The following NOD2 variants were observed in gnomAD, a reference collection of about 807,000 sequenced individuals.
NOD2 encodes the protein nucleotide binding oligomerization domain containing 2, also known as nucleotide-binding oligomerization domain-containing protein 2.
NOD2 carries 86 observed loss-of-function variants against 90.9 expected under a neutral mutation model. That is an observed-to-expected ratio of 0.95 (90% CI 0.79 to 1.13). The LOEUF is 1.13. Among genes scored for constraint, NOD2 ranks in the 50% most tolerant of loss-of-function variants. The probability of loss-of-function intolerance (pLI) is 0.00; values close to 1 mark genes in which losing one functional copy is unlikely to be tolerated. For missense variants in NOD2, 1,238 were observed against 1,283.8 expected, an observed-to-expected ratio of 0.96 and a Z score of 0.55; for synonymous variants, 581 against 554.6, an observed-to-expected ratio of 1.05 and a Z score of -0.67.
rs747221457 is a variant in NOD2, at chr16:50,699,683, A to T, written c.188A>T (p.Asp63Val). The T allele has an allele frequency of 3.7e-6, 6 of 1,613,966 alleles. No individual in the cohort carries two copies. The highest frequency in any genetic ancestry group is 1.3e-5 in the African/African-American group (1 of 74,886). The change falls in exon 2 of 12, where the codon GAC becomes GTC. Residue 63 changes from aspartate (D) to valine (V), a missense_variant. This residue lies in a region of NOD2 where 567 missense variants were observed against 577.3 expected (regional missense o/e 0.98). Transcript: ENST00000647318. The stretch of plus-strand genomic sequence containing the variant: ...TCCCACTTGGCCAGGCGCCTTCTGG[A>T]CACCGTCTGGAATAAGGGTACTTGG... ...PLSHLARRLL[D>V]TVWNKGTWAC...
chr16:50,728,377 GC>G lies in NOD2; in HGVS notation c.2886-1440del, dbSNP rs1212905176. 1.5e-5 allele frequency: 5 copies of G among 336,112 alleles called. No homozygotes were observed. In the Admixed American group the frequency reaches 1.7e-4, roughly 12 times the overall value. The allele number at this position is 336,112 out of a possible 1,614,324, so 20.8% of individuals were successfully genotyped here. On this transcript the variant is annotated intron_variant, in intron 10 of 11. Transcript: ENST00000647318. ...GCTGATGTTGTGAGTTGTCTCCGCT[GC>G]TTTACAACCCATTTTGAATTCAAAT... is the stretch of plus-strand genomic sequence containing the variant.
In NOD2 at chr16:50,699,527, G is replaced by T. The variant is rs104895487; in HGVS notation, c.32G>T (p.Arg11Met). 2.5e-5 allele frequency: 40 copies of T among 1,613,730 alleles called. No homozygotes were observed. The highest frequency in any genetic ancestry group is 2.5e-6 in the Non-Finnish European group (3 of 1,180,018). ...TCGCAGGAGGCTTTTCAGGCACAGA[G>T]GAGCCAGCTGGTCGAGCTGCTGGTC... MCSQEAFQAQ[R>M]SQLVELLVSG... Residue 11 changes from arginine to methionine, a missense_variant, in exon 2 of 12, where the codon AGG becomes ATG. By Grantham distance (91) the Arg-to-Met change is moderately conservative. This residue lies in a region of NOD2 where 567 missense variants were observed against 577.3 expected (regional missense o/e 0.98). Transcript: ENST00000647318.
Position 50,732,131 on chromosome 16 carries a change from C to T in NOD2, c.*312C>T, listed in dbSNP as rs911170249. The T allele has an allele frequency of 2.1e-5, 9 of 431,166 alleles. No individual in the cohort carries two copies. The highest frequency in any genetic ancestry group is 4.2e-5 in the South Asian group (2 of 47,354). 26.7% of individuals were successfully genotyped at this position (431,166 alleles called of 1,614,324 possible). On this transcript the variant is annotated 3_prime_UTR_variant, in exon 12 of 12. Transcript: ENST00000647318. Reference sequence around the variant, plus strand: ...GCCTCTGCTGATCCTCCCAGGCTTCCGTGTGGGTCAGTGGGGCCCATGGAT... The same window carrying T: ...GCCTCTGCTGATCCTCCCAGGCTTCTGTGTGGGTCAGTGGGGCCCATGGAT...
In NOD2 at chr16:50,710,720, A is replaced by C. The variant is rs1271063107; in HGVS notation, c.728A>C (p.Gln243Pro). 1.2e-6 allele frequency: 2 copies of C among 1,613,694 alleles called. No individual in the cohort carries two copies. Among genetic ancestry groups the C allele is most frequent in the African/African-American group, 2.7e-5 (2 of 74,918 alleles). Reference sequence around the variant, plus strand: ...GATGTGGGCATGGCTGGACCCCCGCAGAAGAGCCCAGCCACCCTGGGCCTG... The same window carrying C: ...GATGTGGGCATGGCTGGACCCCCGCCGAAGAGCCCAGCCACCCTGGGCCTG... Reference protein sequence around the residue: ...WADVGMAGPPQKSPATLGLEE... With the variant: ...WADVGMAGPPPKSPATLGLEE... Residue 243 changes from glutamine (Q) to proline (P), a missense_variant, in exon 4 of 12, where the codon CAG becomes CCG. Gln to Pro is a moderately conservative substitution (Grantham distance 76). This residue lies in a region of NOD2 where 567 missense variants were observed against 577.3 expected (regional missense o/e 0.98). Transcript: ENST00000647318.
intron 10 of NOD2, among the ~76,000 whole-genome samples, chr16:50,729,362 T>C (rs1965373689): frequency 1.3e-5 from 2 of 152,226 alleles, no homozygotes; most frequent in East Asian, 3.9e-4. Flanking sequence ...CCAGGACCCA[T>C]GCCACAAGGA....
Position 50,711,503 on chromosome 16 carries a change from C to T in NOD2, c.1511C>T (p.Ala504Val), listed in dbSNP as rs762694876. The change falls in exon 4 of 12, where the codon GCT (alanine) becomes GTT (valine). Residue 504 changes from alanine (A) to valine (V), a missense_variant. Ala to Val is a moderately conservative substitution (Grantham distance 64, BLOSUM62 0). Coordinates refer to ENST00000647318, the MANE Select transcript of NOD2 (RefSeq NM_001370466.1). ...FLLHATPPDS[A>V]SQGLGPSLLR... is the part of the protein sequence containing the mutation. ...CTGCATGCCACCCCCCCAGACTCAG[C>T]TTCCCAAGGTCTGGGACCCAGTCTT... 1.2e-6 allele frequency: 2 copies of T among 1,613,354 alleles called. No homozygotes were observed. The highest frequency in any genetic ancestry group is 1.1e-5 in the South Asian group (1 of 91,080).
At chr16:50,721,484 C>G (rs2150831732) in intron 7 of NOD2, among the ~76,000 whole-genome samples, 1 of 147,692 alleles carries the variant, frequency 6.8e-6, no homozygotes, top group Admixed American at 6.8e-5. Context: ...ACTTAATTAT[C>G]TATTTATTTA....
At chr16:50,709,460 A>G (rs1964358995) in intron 3 of NOD2, among the ~76,000 whole-genome samples, 1 of 152,118 alleles carries the variant, frequency 6.6e-6, no homozygotes, top group South Asian at 2.1e-4. Flanking sequence ...GGGGAACTAA[A>G]CTCTGACACA....
At chr16:50,705,934 G>T (rs1357789213) in intron 2 of NOD2, among the ~76,000 whole-genome samples, 1 of 152,186 alleles carries the variant, frequency 6.6e-6, no homozygotes, top group African/African-American at 2.4e-5. Context: ...ATAAGCCAAA[G>T]GAAGGAAATT....
chr16:50,697,548 G>A (rs1253952964), intron 1 of NOD2: 1 of 618,682 alleles, frequency 1.6e-6, no homozygotes, highest in Non-Finnish European at 2.9e-6. Flanking sequence ...AACCACTCCA[G>A]GGCCAAGCCC....
At chr16:50,726,195 A>G (rs989309275) in intron 10 of NOD2, among the ~76,000 whole-genome samples, 4 of 151,320 alleles carry the variant, frequency 2.6e-5, no homozygotes, top group Non-Finnish European at 5.9e-5. Context: ...GTGAACATGA[A>G]CCCACCTAGT....
At chr16:50,713,514 T>A (rs1194979064) in intron 4 of NOD2, 1 of 152,178 alleles carries the variant, frequency 6.6e-6, no homozygotes, top group African/African-American at 2.4e-5. Context: ...CGAATATATA[T>A]ATGTATTATA....
At chr16:50,722,949 C>G (rs1965125645) in intron 8 of NOD2, among the ~76,000 whole-genome samples, 1 of 152,012 alleles carries the variant, frequency 6.6e-6, no homozygotes, top group Non-Finnish European at 1.5e-5. Flanking sequence ...TGGGCTGGAT[C>G]AGGTACATTT....
intron 2 of NOD2, among the ~76,000 whole-genome samples, chr16:50,702,903 C>G (rs1036986668): frequency 1.3e-5 from 2 of 152,196 alleles, no homozygotes; most frequent in Non-Finnish European, 2.9e-5. Flanking sequence ...GGTAAACTTG[C>G]TCAGTTGGGC....
intron 7 of NOD2, 37 bp downstream of exon 7, chr16:50,720,045 G>C (rs755339857): frequency 3.8e-6 from 6 of 1,582,744 alleles, no homozygotes; most frequent in Non-Finnish European, 5.2e-6. Context: ...CTGCATGGAG[G>C]GGCTTGGGAC....
chr16:50,698,597 C>T (rs145685412), intron 1 of NOD2, among the ~76,000 whole-genome samples: 11 of 152,288 alleles, frequency 7.2e-5, no homozygotes, highest in South Asian at 4.1e-4. Flanking sequence ...ACATGCATTC[C>T]GGAGTCATAC....
chr16:50,693,853 A>G (rs1347602288), intron 1 of NOD2, among the ~76,000 whole-genome samples, 191 bp downstream of exon 1: 1 of 151,580 alleles, frequency 6.6e-6, no homozygotes, highest in African/African-American at 2.4e-5. Context: ...GGGCATCTCG[A>G]GGTTGGGGAG....
chr16:50,696,355 T>C (rs1361371371), intron 1 of NOD2: 2 of 152,240 alleles, frequency 1.3e-5, no homozygotes, highest in Non-Finnish European at 2.9e-5. Flanking sequence ...AAGTGATCCT[T>C]TCTCTACATG....
At chr16:50,728,420 T>C in intron 10 of NOD2, 1 of 265,328 alleles carries the variant, frequency 3.8e-6, no homozygotes, top group Non-Finnish European at 7.5e-6. Flanking sequence ...ATTGCTTGAA[T>C]TTGCTTTTTG....
Sources: gnomAD v4.1 joint callset for allele counts (sites outside exome capture counted in the v4.1 genomes callset) on GRCh38, gnomAD v4.1.1 for gene constraint, gnomAD v4.1.1 regional missense constraint, MANE v1.5 for transcripts, NCBI Gene and HGNC (gene_info 2026-07-23, HGNC 2026-07-21) for gene names.